Variants in IGF2BP2 observed in about 807,000 individuals in gnomAD.
IGF2BP2 encodes the protein insulin like growth factor 2 mRNA binding protein 2.
A neutral mutation model predicts 75.8 loss-of-function variants in IGF2BP2; 17 were observed. The ratio of observed to expected loss-of-function variants is 0.22; its 90% CI spans 0.15 to 0.34. The LOEUF (loss-of-function observed/expected upper bound fraction) is 0.34, where lower values mean the gene tolerates loss of function less well. IGF2BP2 is among the 10% of genes least tolerant of loss of function. IGF2BP2 has a pLI of 1.00. For missense variants in IGF2BP2, 516 were observed against 772.4 expected (o/e 0.67, Z 3.93); for synonymous variants, 288 against 295.6 (o/e 0.97, Z 0.26).
At chr3:185,667,439 G>A (rs929895189) in intron 10 of IGF2BP2, among the ~76,000 whole-genome samples, 8 of 152,024 alleles carry the variant, frequency 5.3e-5, no homozygotes, top group Non-Finnish European at 1.0e-4. Context: ...TTGTGCCTGT[G>A]AACAGCTACT....
chr3:185,807,008 G>A (rs1457809590), intron 2 of IGF2BP2, among the ~76,000 whole-genome samples: 2 of 152,088 alleles, frequency 1.3e-5, no homozygotes, highest in African/African-American at 4.8e-5. Flanking sequence ...TCCTCTTGTA[G>A]ATCATGGCTA....
chr3:185,677,064 TATATAGAGAGAGAG>T (rs1365146828), intron 7 of IGF2BP2, among the ~76,000 whole-genome samples: 32 of 45,786 alleles, frequency 7.0e-4, no homozygotes, highest in Admixed American at 2.4e-3. Context: ...TATATATATA[TATATAGAGAGAGAG>T]AGAGAGAGAG....
intron 2 of IGF2BP2, chr3:185,821,256 A>C: frequency 1.3e-6 from 1 of 767,774 alleles, no homozygotes; most frequent in Non-Finnish European, 1.9e-6. Context: ...TTGGAATGTT[A>C]AACATTTTCA....
intron 10 of IGF2BP2, among the ~76,000 whole-genome samples, chr3:185,659,014 A>G (rs1001951047): frequency 1.3e-5 from 2 of 152,172 alleles, no homozygotes; most frequent in Admixed American, 1.3e-4. Flanking sequence ...CAGGAACTTG[A>G]GACTAGCCTG....
chr3:185,811,537 A>C (rs933954439), intron 2 of IGF2BP2, among the ~76,000 whole-genome samples: 1 of 152,206 alleles, frequency 6.6e-6, no homozygotes, highest in African/African-American at 2.4e-5. Flanking sequence ...GATATTTAAC[A>C]TAAGAACTCT....
intron 7 of IGF2BP2, among the ~76,000 whole-genome samples, chr3:185,680,604 C>T (rs777463301): frequency 2.6e-5 from 4 of 152,122 alleles, no homozygotes; most frequent in Non-Finnish European, 4.4e-5. Flanking sequence ...TTATAAGCCA[C>T]GACCAAGTGG....
chr3:185,739,477 T>C (rs558031628), intron 2 of IGF2BP2, among the ~76,000 whole-genome samples: 18 of 152,318 alleles, frequency 1.2e-4, no homozygotes, highest in Admixed American at 7.2e-4. Context: ...AAAAGGCAAA[T>C]AGATCTTCCC....
chr3:185,665,975 CAGAT>C (rs532720879), intron 10 of IGF2BP2, among the ~76,000 whole-genome samples: 258 of 149,580 alleles, frequency 1.7e-3, no homozygotes, highest in Non-Finnish European at 3.1e-3. Flanking sequence ...TCTAGATAGA[CAGAT>C]AGATAGATAG....
chr3:185,761,254 A>G (rs1248493995), intron 2 of IGF2BP2, among the ~76,000 whole-genome samples: 1 of 152,204 alleles, frequency 6.6e-6, no homozygotes, highest in African/African-American at 2.4e-5. Flanking sequence ...TACACACAAA[A>G]AAAGAGGTGT....
At chr3:185,664,959 G>A (rs986462391) in intron 10 of IGF2BP2, among the ~76,000 whole-genome samples, 2 of 152,064 alleles carry the variant, frequency 1.3e-5, no homozygotes, top group African/African-American at 2.4e-5. Flanking sequence ...TGAATTCCAA[G>A]GGTAAAGGCA....
intron 2 of IGF2BP2, among the ~76,000 whole-genome samples, chr3:185,726,615 C>T (rs991898958): frequency 1.3e-5 from 2 of 152,178 alleles, no homozygotes; most frequent in African/African-American, 4.8e-5. Context: ...GAGAACAGTT[C>T]TTAACATTTG....
chr3:185,818,940 T>C (rs2150053695), intron 2 of IGF2BP2, among the ~76,000 whole-genome samples: 1 of 152,238 alleles, frequency 6.6e-6, no homozygotes, highest in African/African-American at 2.4e-5. Context: ...CTCAAAATAA[T>C]TGTGAAATGA....
intron 2 of IGF2BP2, among the ~76,000 whole-genome samples, chr3:185,785,048 C>T (rs1735683117): frequency 6.6e-6 from 1 of 152,110 alleles, no homozygotes; most frequent in African/African-American, 2.4e-5. Flanking sequence ...TGCCTGTAAT[C>T]CCAGCATTTT....
chr3:185,724,853 C>G (rs1271336147), intron 2 of IGF2BP2: 1 of 152,208 alleles, frequency 6.6e-6, no homozygotes, highest in African/African-American at 2.4e-5. Context: ...TCTGTATTTC[C>G]TCCCCCTTGA....
chr3:185,809,583 T>C (rs772040579), intron 2 of IGF2BP2, among the ~76,000 whole-genome samples: 1 of 152,014 alleles, frequency 6.6e-6, no homozygotes, highest in African/African-American at 2.4e-5. Context: ...TGAGCCATGA[T>C]AGCATCATTG....
In IGF2BP2 at chr3:185,696,595, G is replaced by T; in HGVS notation, c.340+17C>A. On this transcript the variant is annotated intron_variant, in intron 4 of 15. Transcript: ENST00000382199. ...AATATCTCTCTCCAAAACCCAAAAG[G>T]CTTCCTCACTTATTACCTTGTTCCA... The T allele has an allele frequency of 1.2e-6, 2 of 1,610,654 alleles. No homozygotes were observed. Among genetic ancestry groups the T allele is most frequent in the Non-Finnish European group, 1.7e-6 (2 of 1,177,260 alleles).
chr3:185,790,298 G>A (rs1010485912), intron 2 of IGF2BP2, among the ~76,000 whole-genome samples: 1 of 152,126 alleles, frequency 6.6e-6, no homozygotes, highest in African/African-American at 2.4e-5. Context: ...TGGGAAGTGA[G>A]TCTCCCAAAG....
intron 12 of IGF2BP2, 104 bp downstream of exon 12, chr3:185,657,182 C>CT: frequency 1.4e-6 from 1 of 718,124 alleles, no homozygotes; most frequent in Non-Finnish European, 2.4e-6. Context: ...CTGTGGGACT[C>CT]TGTCTCTGCA....
In IGF2BP2 at chr3:185,675,318, T is replaced by G; in HGVS notation, c.1049A>C (p.Glu350Ala). ...TACGTTAACAGCCAGCATATCATTT[T>G]CAAAGGCCTCACGCAGCTTCTTCAT... ...EIMKKLREAF[E>A]NDMLAVNQQA... Residue 350 changes from glutamate to alanine, a missense_variant, in exon 9 of 16, where the codon GAA (glutamate) becomes GCA (alanine). Glu to Ala is a moderately radical substitution (Grantham distance 107). Around this residue, in one of 3 missense-constraint regions of IGF2BP2, gnomAD observed 312 missense variants for 474.5 expected, o/e 0.66. Transcript: ENST00000382199. 1 of 1,610,098 alleles carries G rather than the reference T, an allele frequency of 6.2e-7. No homozygotes were observed. Among genetic ancestry groups the G allele is most frequent in the Non-Finnish European group, 8.5e-7 (1 of 1,179,372 alleles).
Sources: allele counts gnomAD v4.1 joint callset (sites outside exome capture counted in the v4.1 genomes callset), GRCh38; gene constraint gnomAD v4.1.1; regional missense constraint gnomAD v4.1.1; transcripts MANE v1.5; gene names NCBI Gene and HGNC (gene_info 2026-07-23, HGNC 2026-07-21).